The following SLC35E4 variants were observed in gnomAD, a reference collection of about 807,000 sequenced individuals.
SLC35E4 encodes solute carrier family 35 member E4.
A neutral mutation model predicts 19.3 loss-of-function variants in SLC35E4; 15 were observed. The observed-to-expected ratio is 0.78, with a 90% CI of 0.52 to 1.20. SLC35E4 has a LOEUF of 1.20. SLC35E4 is among the 50% of genes most tolerant of loss of function. SLC35E4 has a pLI of 0.00. For synonymous variants in SLC35E4, 219 were observed against 219.9 expected, an observed-to-expected ratio of 1.00 and a Z score of 0.04; for missense variants, 406 against 472.3, an observed-to-expected ratio of 0.86 and a Z score of 1.30.
At chr22:30,666,632 A>AAAAAG (rs1569075352), downstream of SLC35E4, among the ~76,000 whole-genome samples, 2 of 150,868 alleles carry the variant, frequency 1.3e-5, no homozygotes, top group African/African-American at 4.9e-5. Flanking sequence ...AAAAAAAAAA[A>AAAAAG]AAAAAAAAAA....
At chr22:30,654,825 C>T (rs1378101860) in intron 2 of SLC35E4, 2 of 183,618 alleles carry the variant, frequency 1.1e-5, no homozygotes, top group East Asian at 1.8e-4. Context: ...CTTCGGCAGC[C>T]GCCTGGGAAA....
At chr22:30,663,729 C>T, downstream of SLC35E4, 1 of 1,614,242 alleles carries the variant, frequency 6.2e-7, no homozygotes. Flanking sequence ...CATCTCCACG[C>T]TGTGGATATG....
At chr22:30,649,121 C>T (rs1408671538), downstream of SLC35E4, 8 of 714,354 alleles carry the variant, frequency 1.1e-5, no homozygotes, top group Non-Finnish European at 1.8e-5. Flanking sequence ...GGAACCTAAT[C>T]CTGCTCTGCC....
At position 30,636,465 on chromosome 22, in the gene SLC35E4, G is replaced by C; in HGVS notation, c.15G>C (p.Pro5=). MCRC[P]PEHHDGRMTS... is the part of the protein sequence containing the mutation. ...CACTGGTGCGGATGTGCCGCTGCCC[G>C]CCGGAGCACCATGATGGCAGGATGA... The change falls in exon 1 of 2, where the codon CCG becomes CCC. Residue 5 remains proline (P), a synonymous_variant. Coordinates refer to ENST00000343605, the MANE Select transcript of SLC35E4 (RefSeq NM_001001479.4). The C allele has an allele frequency of 6.7e-7, 1 of 1,493,626 alleles. No homozygotes were observed. The highest frequency in any genetic ancestry group is 9.0e-7 in the Non-Finnish European group (1 of 1,114,482). 92.5% of individuals were successfully genotyped at this position (1,493,626 alleles called of 1,614,324 possible).
At chr22:30,657,804 T>TGAGGCAGGA (rs2088372229) in intron 2 of SLC35E4, among the ~76,000 whole-genome samples, 1 of 151,268 alleles carries the variant, frequency 6.6e-6, no homozygotes, top group Non-Finnish European at 1.5e-5. Context: ...CTCGGGAGGC[T>TGAGGCAGGA]GAGGCAGGAG....
intron 1 of SLC35E4, among the ~76,000 whole-genome samples, chr22:30,638,217 TG>T (rs1448053828): frequency 6.7e-6 from 1 of 150,334 alleles, no homozygotes; most frequent in Non-Finnish European, 1.5e-5. Context: ...ATACAAAAAT[TG>T]GGGCCGGGCG....
intron 1 of SLC35E4, among the ~76,000 whole-genome samples, chr22:30,645,003 A>C (rs1479507135): frequency 6.6e-6 from 1 of 152,180 alleles, no homozygotes; most frequent in Non-Finnish European, 1.5e-5. Flanking sequence ...GCTGATTATC[A>C]GTTATAAACA....
At chr22:30,663,354 T>TAGAA, downstream of SLC35E4, 1 of 1,373,044 alleles carries the variant, frequency 7.3e-7, no homozygotes, top group Non-Finnish European at 9.9e-7. Flanking sequence ...TCAACAAAAG[T>TAGAA]AGAATGTTCA....
intron 1 of SLC35E4, among the ~76,000 whole-genome samples, chr22:30,639,139 A>C (rs1233540350): frequency 1.3e-5 from 2 of 152,188 alleles, no homozygotes; most frequent in Non-Finnish European, 2.9e-5. Context: ...CTGAGAAATA[A>C]AGGGACAGAG....
At chr22:30,651,420 TATATATA>T (rs1433852219), downstream of SLC35E4, among the ~76,000 whole-genome samples, 3 of 69,258 alleles carry the variant, frequency 4.3e-5, no homozygotes, top group African/African-American at 6.2e-5. Context: ...TATATATATA[TATATATA>T]TTTTTTTTTT....
chr22:30,664,124 G>GAA, downstream of SLC35E4: 1 of 904,982 alleles, frequency 1.1e-6, no homozygotes, highest in Admixed American at 2.6e-5. Flanking sequence ...TGCCCAGAGG[G>GAA]CCAATTCCAG....
intron 1 of SLC35E4, among the ~76,000 whole-genome samples, chr22:30,645,052 C>A (rs530787886): frequency 1.3e-5 from 2 of 152,250 alleles, no homozygotes; most frequent in South Asian, 2.1e-4. Context: ...CCTTTTGTCC[C>A]CTTGTCACTC....
chr22:30,663,519 T>C (rs1412294357), downstream of SLC35E4: 2 of 1,614,236 alleles, frequency 1.2e-6, no homozygotes, highest in South Asian at 1.1e-5. Context: ...GTGCACAGTG[T>C]TCTTGCCAAA....
chr22:30,654,781 G>A, intron 2 of SLC35E4: 2 of 215,924 alleles, frequency 9.3e-6, no homozygotes, highest in Non-Finnish European at 1.9e-5. Context: ...AGATAGCTTT[G>A]ACCATTGAGC....
chr22:30,657,701 G>A (rs902193321), intron 2 of SLC35E4, among the ~76,000 whole-genome samples: 2 of 151,338 alleles, frequency 1.3e-5, no homozygotes, highest in Non-Finnish European at 2.9e-5. Context: ...TCAGGAGATC[G>A]AGACAATCCT....
chr22:30,656,805 TTTAAAAAGAGAG>T (rs1180592291), intron 2 of SLC35E4, among the ~76,000 whole-genome samples: 1 of 152,116 alleles, frequency 6.6e-6, no homozygotes, highest in Non-Finnish European at 1.5e-5. Flanking sequence ...ATTCTGAATA[TTTAAAAAGAGAG>T]TTAAAAAGGA....
chr22:30,641,732 T>A (rs2088043480), intron 1 of SLC35E4, among the ~76,000 whole-genome samples: 1 of 148,176 alleles, frequency 6.7e-6, no homozygotes. Flanking sequence ...TTTTTTTTTT[T>A]TTTTTTTTTT....
chr22:30,639,955 G>C (rs151309495), intron 1 of SLC35E4, among the ~76,000 whole-genome samples: 4,152 of 148,630 alleles, frequency 0.028, 81 homozygotes, highest in Non-Finnish European at 0.04. Flanking sequence ...ATTGGTTGGA[G>C]AAGTGATAAG....
Position 30,636,188 on chromosome 22 carries a change from C to T in SLC35E4, c.-263C>T. The T allele has an allele frequency of 2.1e-6, 1 of 482,818 alleles. No individual in the cohort carries two copies. The highest frequency in any genetic ancestry group is 3.6e-6 in the Non-Finnish European group (1 of 273,974). 29.9% of individuals were successfully genotyped at this position (482,818 alleles called of 1,614,324 possible). A position where few individuals can be genotyped will look rare whatever the true frequency, so the allele number is the denominator to read the frequency against. ...GACCACCTGGCACGGGGCAGAGGTG[C>T]CTGGAGCCCACGCTTGAGCATCGGA... On this transcript the variant is annotated 5_prime_UTR_variant, in exon 1 of 2. Coordinates refer to ENST00000343605, the MANE Select transcript of SLC35E4 (RefSeq NM_001001479.4).
Sources: gnomAD v4.1 joint callset for allele counts (sites outside exome capture counted in the v4.1 genomes callset) on GRCh38, gnomAD v4.1.1 for gene constraint, MANE v1.5 for transcripts, NCBI Gene and HGNC (gene_info 2026-07-23, HGNC 2026-07-21) for gene names.